Variants in KCNIP1 observed in about 807,000 individuals in gnomAD.
The protein encoded by KCNIP1 is potassium voltage-gated channel interacting protein 1, also known as A-type potassium channel modulatory protein KCNIP1.
Under a neutral mutation model 33.0 loss-of-function variants are expected in KCNIP1, and 18 were observed. That is an observed-to-expected ratio of 0.55 (90% CI 0.38 to 0.81). The LOEUF (loss-of-function observed/expected upper bound fraction) is 0.81. KCNIP1 is among the 30% of genes least tolerant of loss of function. The probability of loss-of-function intolerance (pLI) is 0.00; values close to 1 mark genes in which losing one functional copy is unlikely to be tolerated. For missense variants in KCNIP1, 238 were observed against 271.6 expected (o/e 0.88, Z 0.87); for synonymous variants, 93 against 98.3 (o/e 0.95, Z 0.32).
intron 1 of KCNIP1, among the ~76,000 whole-genome samples, chr5:170,506,197 C>G (rs1486295147): frequency 1.3e-5 from 2 of 152,146 alleles, no homozygotes; most frequent in Non-Finnish European, 2.9e-5. Context: ...ACAGAAAGAT[C>G]TCAAGCCCTA....
At chr5:170,596,655 A>G (rs1758450616) in intron 1 of KCNIP1, among the ~76,000 whole-genome samples, 1 of 152,252 alleles carries the variant, frequency 6.6e-6, no homozygotes, top group South Asian at 2.1e-4. Flanking sequence ...CCATCTGTGA[A>G]CAGACACTGC....
chr5:170,541,849 C>T (rs750769772), intron 1 of KCNIP1, among the ~76,000 whole-genome samples: 3 of 152,136 alleles, frequency 2.0e-5, no homozygotes, highest in African/African-American at 4.8e-5. Context: ...TACAAAAATG[C>T]GATAACACCT....
intron 1 of KCNIP1, among the ~76,000 whole-genome samples, chr5:170,514,852 A>G (rs1194905085): frequency 2.0e-5 from 3 of 152,248 alleles, no homozygotes; most frequent in Admixed American, 6.5e-5. Context: ...AGTAACAAAC[A>G]TAACATTTAA....
At chr5:170,551,883 T>C (rs1756653221) in intron 1 of KCNIP1, among the ~76,000 whole-genome samples, 1 of 151,958 alleles carries the variant, frequency 6.6e-6, no homozygotes, top group African/African-American at 2.4e-5. Flanking sequence ...TGTGTGTATA[T>C]GAATGTGTAC....
At chr5:170,687,232 A>C (rs544713103) in intron 1 of KCNIP1, among the ~76,000 whole-genome samples, 1 of 151,544 alleles carries the variant, frequency 6.6e-6, no homozygotes, top group Admixed American at 6.6e-5. Context: ...CCCAGGCTAG[A>C]GTACAGTGGC....
intron 1 of KCNIP1, among the ~76,000 whole-genome samples, chr5:170,515,987 G>T (rs953311446): frequency 1.3e-5 from 2 of 152,196 alleles, no homozygotes; most frequent in African/African-American, 4.8e-5. Flanking sequence ...ACAGAGGCAG[G>T]CAACAAGAAG....
intron 1 of KCNIP1, among the ~76,000 whole-genome samples, chr5:170,621,571 C>T (rs1759604292): frequency 6.6e-6 from 1 of 152,152 alleles, no homozygotes; most frequent in Non-Finnish European, 1.5e-5. Context: ...AGTGCACTGG[C>T]ACCATCATAG....
At chr5:170,435,000 C>T (rs549690204) in intron 1 of KCNIP1, among the ~76,000 whole-genome samples, 1 of 152,342 alleles carries the variant, frequency 6.6e-6, no homozygotes, top group East Asian at 1.9e-4. Context: ...ACGCCCAGCT[C>T]TCAGTCAGCT....
chr5:170,491,283 A>AGAATGAATGAAT (rs919857929), intron 1 of KCNIP1, among the ~76,000 whole-genome samples: 1 of 152,272 alleles, frequency 6.6e-6, no homozygotes, highest in Non-Finnish European at 1.5e-5. Flanking sequence ...GAATGAATGA[A>AGAATGAATGAAT]GAATGAATGA....
chr5:170,682,357 C>T (rs148350341), intron 1 of KCNIP1, among the ~76,000 whole-genome samples: 2,981 of 152,206 alleles, frequency 0.02, 44 homozygotes, highest in Middle Eastern at 0.071. Flanking sequence ...TGGGTTGAGA[C>T]GGGCAGCCAG....
Position 170,562,898 on chromosome 5 carries a change from G to A in KCNIP1, c.61+58265G>A, listed in dbSNP as rs1020049980. On this transcript the variant is annotated intron_variant, in intron 1 of 7. Coordinates refer to ENST00000328939, the MANE Select transcript of KCNIP1 (RefSeq NM_014592.4). Reference sequence around the variant, plus strand: ...TGCTCCTGTAGCTGTCTGCAGTCTCGAGCCCCAAGGCAGTAGAACAGGTGT... The same window carrying A: ...TGCTCCTGTAGCTGTCTGCAGTCTCAAGCCCCAAGGCAGTAGAACAGGTGT... Among the ~76,000 whole-genome samples the A allele has an allele frequency of 5.9e-5, 9 of 152,248 alleles. No individual in the cohort carries two copies. The East Asian group carries it at 7.7e-4, about 13-fold the overall frequency.
intron 1 of KCNIP1, among the ~76,000 whole-genome samples, chr5:170,408,372 T>G (rs2113399681): frequency 6.6e-6 from 1 of 152,310 alleles, no homozygotes; most frequent in South Asian, 2.1e-4. Context: ...GGAATCTCCA[T>G]GGCTCAGCCA....
chr5:170,513,065 AC>A (rs1483332311), intron 1 of KCNIP1, among the ~76,000 whole-genome samples: 1 of 151,608 alleles, frequency 6.6e-6, no homozygotes, highest in African/African-American at 2.4e-5. Flanking sequence ...AAAAAAAAAA[AC>A]CTCAACTCAG....
chr5:170,703,619 A>AG (rs1309577710), intron 1 of KCNIP1, among the ~76,000 whole-genome samples: 1 of 133,810 alleles, frequency 7.5e-6, no homozygotes, highest in Non-Finnish European at 1.6e-5. Context: ...CCAAAAAAAA[A>AG]TTAATTTAAA....
At chr5:170,643,515 T>A (rs1760659951) in intron 1 of KCNIP1, among the ~76,000 whole-genome samples, 1 of 152,100 alleles carries the variant, frequency 6.6e-6, no homozygotes, top group Admixed American at 6.5e-5. Context: ...GTCCAACACT[T>A]TACCCACTCA....
intron 1 of KCNIP1, among the ~76,000 whole-genome samples, chr5:170,481,966 T>C (rs1462386128): frequency 6.6e-6 from 1 of 152,224 alleles, no homozygotes; most frequent in African/African-American, 2.4e-5. Context: ...TTTCTGTAGG[T>C]AGTAAAGTGA....
At chr5:170,618,710 C>A (rs1024615770) in intron 1 of KCNIP1, among the ~76,000 whole-genome samples, 1 of 152,130 alleles carries the variant, frequency 6.6e-6, no homozygotes, top group Non-Finnish European at 1.5e-5. Context: ...ATCATTTGGC[C>A]AAGCCTCAGT....
intron 1 of KCNIP1, among the ~76,000 whole-genome samples, chr5:170,493,498 A>G (rs1410978363): frequency 6.6e-6 from 1 of 152,168 alleles, no homozygotes; most frequent in African/African-American, 2.4e-5. Context: ...TACAGGCATT[A>G]TCGAGTTAAG....
At chr5:170,367,418 A>AAAGAAAGAAAGAAAGG (rs1561586954) in intron 1 of KCNIP1, among the ~76,000 whole-genome samples, 10 of 101,354 alleles carry the variant, frequency 9.9e-5, no homozygotes, top group Non-Finnish European at 1.4e-4. Context: ...AGAAAGAAAG[A>AAAGAAAGAAAGAAAGG]AAGGAAAGAA....
Sources: gnomAD v4.1 joint callset for allele counts (sites outside exome capture counted in the v4.1 genomes callset) on GRCh38, gnomAD v4.1.1 for gene constraint, MANE v1.5 for transcripts, NCBI Gene and HGNC (gene_info 2026-07-23, HGNC 2026-07-21) for gene names.